The following PLEKHG3 variants were observed in gnomAD, a reference collection of about 807,000 sequenced individuals.
PLEKHG3 encodes the protein pleckstrin homology and RhoGEF domain containing G3, also known as pleckstrin homology domain-containing family G member 3.
Under a neutral mutation model 94.9 loss-of-function variants are expected in PLEKHG3, and 62 were observed. The ratio of observed to expected loss-of-function variants is 0.65; its 90% confidence interval spans 0.53 to 0.81. PLEKHG3 has a LOEUF of 0.81. PLEKHG3 is among the 30% of genes least tolerant of loss of function. PLEKHG3 has a pLI of 0.00. For synonymous variants in PLEKHG3, 614 were observed against 654.0 expected (o/e 0.94, Z 0.93); for missense variants, 1,461 against 1,619.3 (o/e 0.90, Z 1.68).
intron 1 of PLEKHG3, among the ~76,000 whole-genome samples, chr14:64,705,732 GC>G (rs2080961487): frequency 6.6e-6 from 1 of 152,236 alleles, no homozygotes; most frequent in Admixed American, 6.5e-5. Flanking sequence ...GAGCACATCG[GC>G]CACCTCGCCT....
In PLEKHG3 at chr14:64,741,356, C is replaced by T; in HGVS notation, c.1839C>T (p.Phe613=). The T allele has an allele frequency of 6.2e-7, 1 of 1,613,586 alleles. No homozygotes were observed. The highest frequency in any genetic ancestry group is 8.5e-7 in the Non-Finnish European group (1 of 1,180,050). Residue 613 remains phenylalanine (F), a synonymous_variant, in exon 16 of 17, where the codon TTC becomes TTT. Transcript: ENST00000247226. ...SVIAERFVSS[F]SRRSSVAQED... is the part of the protein sequence containing the mutation. Reference sequence around the variant, plus strand: ...TTGCGGAGCGATTTGTCAGCAGCTTCTCTCGGCGGAGCAGCGTGGCACAGG... The same window carrying T: ...TTGCGGAGCGATTTGTCAGCAGCTTTTCTCGGCGGAGCAGCGTGGCACAGG...
rs975146244 is a variant in PLEKHG3 at position 64,726,021 on chromosome 14, C to G, written c.-39-1572C>G. ...AGAAACCTGGGAGGTAGTAAGAGAA[C>G]ACAGAAAGAGTTCCCCAGGTTTGGG... On this transcript the variant is annotated intron_variant, in intron 1 of 16. Transcript: ENST00000247226. This position sits in a 1 kb window ranked among gnomAD's most constrained non-coding sequence, Gnocchi z 5.1. 6.6e-6 allele frequency among the ~76,000 whole-genome samples: 1 copy of G among 152,144 alleles called. No homozygotes were observed. Among genetic ancestry groups the G allele is most frequent in the African/African-American group, 2.4e-5 (1 of 41,416 alleles).
In PLEKHG3 at chr14:64,744,372, G is replaced by C. The variant is rs762592096; in HGVS notation, c.*669G>C. On this transcript the variant is annotated 3_prime_UTR_variant, in exon 17 of 17. Coordinates refer to ENST00000247226, the MANE Select transcript of PLEKHG3 (RefSeq NM_001308147.2). ...TATGTGTGAACTCCTTCCTAGGCTT[G>C]GCTGGGGTAGGGAAGGTTATTCATG... is the stretch of plus-strand genomic sequence containing the variant. 2.6e-5 allele frequency: 4 copies of C among 152,624 alleles called. No individual in the cohort carries two copies. The highest frequency in any genetic ancestry group is 4.4e-5 in the Non-Finnish European group (3 of 68,062). The allele number at this position is 152,624 out of a possible 1,614,324, so 9.5% of individuals were successfully genotyped here.
In PLEKHG3 at chr14:64,749,852, T is replaced by G; in HGVS notation, c.*6149T>G. 1 of 1,499,394 alleles carries G rather than the reference T, an allele frequency of 6.7e-7. No homozygotes were observed. Among genetic ancestry groups the G allele is most frequent in the Non-Finnish European group, 9.2e-7 (1 of 1,083,638 alleles). The allele number at this position is 1,499,394 out of a possible 1,614,324, so 92.9% of individuals were successfully genotyped here. A position where few individuals can be genotyped will look rare whatever the true frequency, so the allele number is the denominator to read the frequency against. On this transcript the variant is annotated 3_prime_UTR_variant, in exon 17 of 17. Coordinates refer to ENST00000247226, the MANE Select transcript of PLEKHG3 (RefSeq NM_001308147.2). This position sits in a 1 kb window ranked among gnomAD's most constrained non-coding sequence, Gnocchi z 4.7. ...GAGGTCAAAGTCTGGACCATCAGCC[T>G]CTTTGATTTGAAAAACCCCTGAGGA...
In PLEKHG3 at chr14:64,727,600, C is replaced by G. The variant is rs767707655; in HGVS notation, c.-32C>G. 7 of 1,309,062 alleles carry G rather than the reference C, an allele frequency of 5.3e-6. No individual in the cohort carries two copies. Among genetic ancestry groups the G allele is most frequent in the Non-Finnish European group, 7.7e-6 (7 of 907,488 alleles). The allele number at this position is 1,309,062 out of a possible 1,614,324, so 81.1% of individuals were successfully genotyped here. A position where few individuals can be genotyped will look rare whatever the true frequency, so the allele number is the denominator to read the frequency against. On this transcript the variant is annotated 5_prime_UTR_variant, in exon 2 of 17. Coordinates refer to ENST00000247226, the MANE Select transcript of PLEKHG3 (RefSeq NM_001308147.2). This position sits in a 1 kb window ranked among gnomAD's most constrained non-coding sequence, Gnocchi z 6.0. The stretch of plus-strand genomic sequence containing the variant: ...CTGTCTGTCTTGTTGCAGAATCTCC[C>G]TGGGGTGCCCTCCCCAGGCAGCAAT...
rs1486494664 is a variant in PLEKHG3 at position 64,743,597 on chromosome 14, A to C, written c.3554A>C (p.Glu1185Ala). 1.2e-6 allele frequency: 2 copies of C among 1,612,900 alleles called. No homozygotes were observed. Among genetic ancestry groups the C allele is most frequent in the Non-Finnish European group, 1.7e-6 (2 of 1,179,952 alleles). Residue 1185 changes from glutamate to alanine, a missense_variant, in exon 17 of 17, where the codon GAG becomes GCG. This residue lies in a region of PLEKHG3 where 1,201 missense variants were observed against 1,295.5 expected (regional missense o/e 0.93). Coordinates refer to ENST00000247226, the MANE Select transcript of PLEKHG3 (RefSeq NM_001308147.2). This position sits in a 1 kb window ranked among gnomAD's most constrained non-coding sequence, Gnocchi z 7.2. ...GQVQDFQQSA[E>A]CQPKEEGSRD... Reference sequence around the variant, plus strand: ...GTTCAGGACTTCCAGCAGTCTGCAGAGTGCCAGCCGAAGGAAGAGGGTTCC... The same window carrying C: ...GTTCAGGACTTCCAGCAGTCTGCAGCGTGCCAGCCGAAGGAAGAGGGTTCC...
rs190611029 is a variant in PLEKHG3, at chr14:64,744,485, C to T, written c.*782C>T. 4.6e-5 allele frequency: 7 copies of T among 152,388 alleles called. No homozygotes were observed. In the East Asian group the frequency reaches 1.2e-3, roughly 25 times the overall value. 9.4% of individuals were successfully genotyped at this position (152,388 alleles called of 1,614,324 possible). A position where few individuals can be genotyped will look rare whatever the true frequency, so the allele number is the denominator to read the frequency against. ...TTGGGCTTATGAAACATAAGGCACCCGGGTACTGGTGGGGGAGGTGGGGCA... is the reference window on the plus strand; with the variant it reads ...TTGGGCTTATGAAACATAAGGCACCTGGGTACTGGTGGGGGAGGTGGGGCA... On this transcript the variant is annotated 3_prime_UTR_variant, in exon 17 of 17. Transcript: ENST00000247226.
In PLEKHG3 at chr14:64,741,327, G is replaced by A. The variant is rs61730937; in HGVS notation, c.1810G>A (p.Val604Ile). 1,496 of 1,613,740 alleles carry A rather than the reference G, an allele frequency of 9.3e-4. 13 individuals carry two copies. In the African/African-American group the frequency reaches 0.018, roughly 19 times the overall value. ...ACCCTCTGTGCTGGACCAGGCCAGC[G>A]TCATTGCGGAGCGATTTGTCAGCAG... ...LPPSVLDQASVIAERFVSSFS... is the reference protein window; with the variant it reads ...LPPSVLDQASIIAERFVSSFS... Residue 604 changes from valine (V) to isoleucine (I), a missense_variant, in exon 16 of 17, where the codon GTC (valine) becomes ATC (isoleucine). Coordinates refer to ENST00000247226, the MANE Select transcript of PLEKHG3 (RefSeq NM_001308147.2).
At position 64,730,596 on chromosome 14, in the gene PLEKHG3, T is replaced by G; in HGVS notation, c.520-46T>G. 2 of 1,523,534 alleles carry G rather than the reference T, an allele frequency of 1.3e-6. No individual in the cohort carries two copies. Among genetic ancestry groups the G allele is most frequent in the Non-Finnish European group, 1.8e-6 (2 of 1,097,954 alleles). The allele number at this position is 1,523,534 out of a possible 1,614,324, so 94.4% of individuals were successfully genotyped here. A position where few individuals can be genotyped will look rare whatever the true frequency, so the allele number is the denominator to read the frequency against. ...CTATCTGCTACCACCATCTTTACTG[T>G]CAAATGAGAATCTCCCTGAAATCAC... On this transcript the variant is annotated intron_variant, in intron 4 of 16. Transcript: ENST00000247226. The surrounding 1 kb of genome is among the most constrained non-coding windows in gnomAD (Gnocchi z 5.4).
Position 64,730,859 on chromosome 14 carries a change from C to G in PLEKHG3, c.627C>G (p.Asp209Glu). 6.2e-7 allele frequency: 1 copy of G among 1,613,248 alleles called. No homozygotes were observed. Among genetic ancestry groups the G allele is most frequent in the Non-Finnish European group, 8.5e-7 (1 of 1,179,996 alleles). The change falls in exon 6 of 17, where the codon GAC becomes GAG. Residue 209 changes from aspartate (D) to glutamate (E), a missense_variant. By Grantham distance (45) the Asp-to-Glu change is conservative. This residue lies in a region of PLEKHG3 where 253 missense variants were observed against 297.8 expected (regional missense o/e 0.85). Transcript: ENST00000247226. This position sits in a 1 kb window ranked among gnomAD's most constrained non-coding sequence, Gnocchi z 5.4. ...AGCAGCAGGCCAAGTTCTTTCGGGA[C>G]CGGCAGGAGCTGCTACAGCACTCGC... ...RDKQQAKFFRDRQELLQHSLP... is the reference protein window; with the variant it reads ...RDKQQAKFFRERQELLQHSLP...
intron 1 of PLEKHG3, among the ~76,000 whole-genome samples, chr14:64,705,883 C>G (rs1177617202): frequency 2.0e-5 from 3 of 152,184 alleles, no homozygotes; most frequent in South Asian, 2.1e-4. Flanking sequence ...ACATCTCTCC[C>G]CTGTGGTTCC....
chr14:64,749,692 T>A lies in PLEKHG3; in HGVS notation c.*5989T>A. On this transcript the variant is annotated 3_prime_UTR_variant, in exon 17 of 17. Coordinates refer to ENST00000247226, the MANE Select transcript of PLEKHG3 (RefSeq NM_001308147.2). The surrounding 1 kb of genome is among the most constrained non-coding windows in gnomAD (Gnocchi z 4.7). Reference sequence around the variant, plus strand: ...TGGAAGAGCCACTCGCTGCCATTACTCAGCCTAGGAGGACAAAGGGTTTCC... The same window carrying A: ...TGGAAGAGCCACTCGCTGCCATTACACAGCCTAGGAGGACAAAGGGTTTCC... The A allele has an allele frequency of 6.2e-7, 1 of 1,613,768 alleles. No individual in the cohort carries two copies. Among genetic ancestry groups the A allele is most frequent in the Non-Finnish European group, 8.5e-7 (1 of 1,179,928 alleles).
chr14:64,719,812 G>A (rs1056569834), intron 1 of PLEKHG3, among the ~76,000 whole-genome samples: 3 of 152,162 alleles, frequency 2.0e-5, no homozygotes, highest in African/African-American at 4.8e-5. Flanking sequence ...GGATGAGGCC[G>A]GAAAGATGGC....
chr14:64,707,559 G>A (rs1331603627), intron 1 of PLEKHG3, among the ~76,000 whole-genome samples: 2 of 152,246 alleles, frequency 1.3e-5, no homozygotes, highest in East Asian at 1.9e-4. Context: ...TAGCAAGTGT[G>A]TTAGTGATAA....
At position 64,738,012 on chromosome 14, in the gene PLEKHG3, G is replaced by A. The variant is rs949582933; in HGVS notation, c.1404+637G>A. The A allele has an allele frequency of 7.8e-7, 1 of 1,275,582 alleles. No homozygotes were observed. The highest frequency in any genetic ancestry group is 1.5e-5 in the African/African-American group (1 of 65,232). 79.0% of individuals were successfully genotyped at this position (1,275,582 alleles called of 1,614,324 possible). A position where few individuals can be genotyped will look rare whatever the true frequency, so the allele number is the denominator to read the frequency against. On this transcript the variant is annotated intron_variant, in intron 14 of 16. Coordinates refer to ENST00000247226, the MANE Select transcript of PLEKHG3 (RefSeq NM_001308147.2). The surrounding 1 kb of genome is among the most constrained non-coding windows in gnomAD (Gnocchi z 4.8). ...GGAGGAGGAGGAGGAGGAAGAGCAG[G>A]CCTTTCAGGTCTCTCTGGAGGACCT...
chr14:64,738,469 G>A lies in PLEKHG3; in HGVS notation c.1405-273G>A, dbSNP rs2081620161. Among the ~76,000 whole-genome samples the A allele has an allele frequency of 1.3e-5, 2 of 152,236 alleles. No individual in the cohort carries two copies. The highest frequency in any genetic ancestry group is 2.9e-5 in the Non-Finnish European group (2 of 68,034). On this transcript the variant is annotated intron_variant, in intron 14 of 16. Coordinates refer to ENST00000247226, the MANE Select transcript of PLEKHG3 (RefSeq NM_001308147.2). This position sits in a 1 kb window ranked among gnomAD's most constrained non-coding sequence, Gnocchi z 4.8. Reference sequence around the variant, plus strand: ...CAAGTGGGGTGGGGTGGTGGGGGCAGGGAGAAGCTAGCACACAGTGGGGCT... The same window carrying A: ...CAAGTGGGGTGGGGTGGTGGGGGCAAGGAGAAGCTAGCACACAGTGGGGCT...
chr14:64,749,138 G>A lies in PLEKHG3; in HGVS notation c.*5435G>A. 1.4e-6 allele frequency: 1 copy of A among 735,722 alleles called. No homozygotes were observed. Among genetic ancestry groups the A allele is most frequent in the Non-Finnish European group, 2.1e-6 (1 of 472,500 alleles). The allele number at this position is 735,722 out of a possible 1,614,324, so 45.6% of individuals were successfully genotyped here. On this transcript the variant is annotated 3_prime_UTR_variant, in exon 17 of 17. Coordinates refer to ENST00000247226, the MANE Select transcript of PLEKHG3 (RefSeq NM_001308147.2). This position sits in a 1 kb window ranked among gnomAD's most constrained non-coding sequence, Gnocchi z 4.7. ...AGGGCATGGAGGGGGCGTCGGCCCA[G>A]GACACGCGGGCGAAGGCAGCTTTTG... is the stretch of plus-strand genomic sequence containing the variant.
chr14:64,705,207 G>A (rs1161825925), intron 1 of PLEKHG3, among the ~76,000 whole-genome samples: 6 of 152,202 alleles, frequency 3.9e-5, no homozygotes, highest in Non-Finnish European at 8.8e-5. Context: ...AGGGAGGAGA[G>A]TGGGGGCCAG....
Position 64,728,983 on chromosome 14 carries a change from T to TC in PLEKHG3, c.352-10dup, listed in dbSNP as rs1197108254. On this transcript the variant is annotated splice_polypyrimidine_tract_variant and intron_variant, in intron 2 of 16. Transcript: ENST00000247226. This position sits in a 1 kb window ranked among gnomAD's most constrained non-coding sequence, Gnocchi z 5.9. ...TGCCGGGGGCTAGGTTCTGACCACC[T>TC]CCCTCCACGCAGGACTACCTCTTGA... The TC allele has an allele frequency of 8.0e-7, 1 of 1,254,680 alleles. No individual in the cohort carries two copies. Among genetic ancestry groups the TC allele is most frequent in the Admixed American group, 2.0e-5 (1 of 50,204 alleles). The allele number at this position is 1,254,680 out of a possible 1,614,324, so 77.7% of individuals were successfully genotyped here.
Sources: gnomAD v4.1 joint callset for allele counts (sites outside exome capture counted in the v4.1 genomes callset) on GRCh38, gnomAD v4.1.1 for gene constraint, gnomAD v4.1.1 regional missense constraint, Gnocchi (gnomAD v3.1) non-coding constraint, MANE v1.5 for transcripts, NCBI Gene and HGNC (gene_info 2026-07-23, HGNC 2026-07-21) for gene names.